The following SLC22A2 variants were observed in gnomAD, a reference collection of about 807,000 sequenced individuals.
SLC22A2 encodes the protein solute carrier family 22 member 2, also known as organic cation transporter 2.
In SLC22A2, 46 loss-of-function variants were observed where a neutral mutation model predicts 60.5. The observed-to-expected ratio is 0.76, with a 90% CI of 0.60 to 0.97. SLC22A2 has a LOEUF of 0.97. Among genes scored for constraint, SLC22A2 ranks in the 50% least tolerant of loss-of-function variants. The probability of loss-of-function intolerance (pLI) is 0.00; values close to 1 mark genes in which losing one functional copy is unlikely to be tolerated. For missense variants in SLC22A2, 701 were observed against 706.6 expected, an observed-to-expected ratio of 0.99 and a Z score of 0.09; for synonymous variants, 303 against 267.0, an observed-to-expected ratio of 1.13 and a Z score of -1.31.
chr6:160,222,542 G>T (rs374566246), intron 10 of SLC22A2, among the ~76,000 whole-genome samples: 1 of 152,208 alleles, frequency 6.6e-6, no homozygotes, highest in Non-Finnish European at 1.5e-5. Flanking sequence ...TGTATGCCAC[G>T]CACTGTGCTG....
rs369558431 is a variant in SLC22A2, at chr6:160,250,709, G to A, written c.519-7C>T. 6.1e-5 allele frequency: 98 copies of A among 1,611,632 alleles called. No individual in the cohort carries two copies. The highest frequency in any genetic ancestry group is 3.3e-4 in the Middle Eastern group (2 of 6,074). ...GCAGAGCTTACGGCCAAACCTGCAG[G>A]AAGAAAAACAAAGAGAGGGAATTGA... On this transcript the variant is annotated splice_region_variant and splice_polypyrimidine_tract_variant and intron_variant, in intron 2 of 10. Coordinates refer to ENST00000366953, the MANE Select transcript of SLC22A2 (RefSeq NM_003058.4).
At chr6:160,242,603 T>C (rs1334255013) in intron 7 of SLC22A2, among the ~76,000 whole-genome samples, 1 of 113,130 alleles carries the variant, frequency 8.8e-6, no homozygotes, top group African/African-American at 2.7e-5. Context: ...GCTAATTCTC[T>C]CTTTTTTAAA....
intron 10 of SLC22A2, 61 bp from the exon 11 acceptor site, chr6:160,217,559 A>G (rs1391697502): frequency 5.9e-6 from 5 of 840,850 alleles, no homozygotes; most frequent in South Asian, 2.9e-5. Context: ...TGAAAACCAA[A>G]ATAAAGTGGG....
At chr6:160,224,048 A>G (rs1418132480) in intron 10 of SLC22A2, among the ~76,000 whole-genome samples, 1 of 152,094 alleles carries the variant, frequency 6.6e-6, no homozygotes, top group Non-Finnish European at 1.5e-5. Flanking sequence ...TAATTTTTAT[A>G]CTACTATTGC....
chr6:160,250,683 G>A lies in SLC22A2; in HGVS notation c.538C>T (p.Leu180Phe). ...IADRFGRKLC[L>F]LTTVLINAAA... ...GCATTTATGAGGACTGTAGTTAGGA[G>A]GCAGAGCTTACGGCCAAACCTGCAG... The change falls in exon 3 of 11, where the codon CTC becomes TTC. Residue 180 changes from leucine to phenylalanine, a missense_variant. By Grantham distance (22) the Leu-to-Phe change is conservative. Coordinates refer to ENST00000366953, the MANE Select transcript of SLC22A2 (RefSeq NM_003058.4). 1.2e-6 allele frequency: 2 copies of A among 1,614,006 alleles called. No individual in the cohort carries two copies. Among genetic ancestry groups the A allele is most frequent in the Non-Finnish European group, 1.7e-6 (2 of 1,179,888 alleles).
intron 9 of SLC22A2, among the ~76,000 whole-genome samples, chr6:160,238,620 C>T (rs1213992035): frequency 2.0e-5 from 3 of 152,094 alleles, no homozygotes; most frequent in Non-Finnish European, 4.4e-5. Flanking sequence ...ACAATTAGCA[C>T]ACCATTATTG....
chr6:160,221,973 G>T (rs1354855566), intron 10 of SLC22A2, among the ~76,000 whole-genome samples: 2 of 152,174 alleles, frequency 1.3e-5, no homozygotes, highest in African/African-American at 2.4e-5. Flanking sequence ...CTTGCTTAAT[G>T]TAGGGTTGCT....
Position 160,225,252 on chromosome 6 carries a change from G to A in SLC22A2, c.1502-448C>T, listed in dbSNP as rs181699337. Among the ~76,000 whole-genome samples, 243 of 152,216 alleles carry A rather than the reference G, an allele frequency of 1.6e-3. 1 individual carries two copies. Among genetic ancestry groups the A allele is most frequent in the African/African-American group, 5.5e-3 (230 of 41,540 alleles). On this transcript the variant is annotated intron_variant, in intron 9 of 10. Transcript: ENST00000366953. ...CTATGTAAGAGCACTAAAAAGTATA[G>A]CCAGGATTTTAGTTAAAATTCAGGT...
rs146161118 is a variant in SLC22A2 at position 160,245,534 on chromosome 6, A to C, written c.969T>G (p.Leu323=). The part of the protein sequence containing the change: ...SLPASLQRLR[L]EEETGKKLNP... Reference sequence around the variant, plus strand: ...TCAATTTCTTGCCAGTTTCCTCTTCAAGTCTCAGGCGCTAAGAAAAGGAAT... The same window carrying C: ...TCAATTTCTTGCCAGTTTCCTCTTCCAGTCTCAGGCGCTAAGAAAAGGAAT... The change falls in exon 6 of 11, where the codon CTT becomes CTG. Residue 323 remains leucine (L), a synonymous_variant. Coordinates refer to ENST00000366953, the MANE Select transcript of SLC22A2 (RefSeq NM_003058.4). The C allele has an allele frequency of 1.9e-4, 306 of 1,608,828 alleles. No homozygotes were observed. The highest frequency in any genetic ancestry group is 2.6e-4 in the Non-Finnish European group (303 of 1,176,504).
At position 160,225,906 on chromosome 6, in the gene SLC22A2, CTT is replaced by C. The variant is rs567802311; in HGVS notation, c.1502-1104_1502-1103del. On this transcript the variant is annotated intron_variant, in intron 9 of 10. Transcript: ENST00000366953. ...CATTCTTGGGTATAGGCTGAACTAACTTTGGGAGAAACTTAGTTTATAGATTA... is the reference window on the plus strand; with the variant it reads ...CATTCTTGGGTATAGGCTGAACTAACTGGGAGAAACTTAGTTTATAGATTA... 4.3e-3 allele frequency among the ~76,000 whole-genome samples: 661 copies of C among 152,284 alleles called. 6 individuals are homozygous for C. Among genetic ancestry groups the C allele is most frequent in the African/African-American group, 0.015 (634 of 41,562 alleles).
At chr6:160,253,178 AG>A (rs1489377267) in intron 2 of SLC22A2, among the ~76,000 whole-genome samples, 1 of 152,256 alleles carries the variant, frequency 6.6e-6, no homozygotes, top group Non-Finnish European at 1.5e-5. Context: ...CTTGTGGAGC[AG>A]GGATATTCCA....
chr6:160,245,582 T>A, intron 5 of SLC22A2, 37 bp from the exon 6 acceptor site: 1 of 1,327,346 alleles, frequency 7.5e-7, no homozygotes, highest in Non-Finnish European at 1.1e-6. Context: ...TTTGTATATT[T>A]AATGCTAGTG....
rs754341947 is a variant in SLC22A2, at chr6:160,249,338, A to G, written c.720T>C (p.Phe240=). 6 of 1,613,714 alleles carry G rather than the reference A, an allele frequency of 3.7e-6. No individual in the cohort carries two copies. In the South Asian group the frequency reaches 6.6e-5, roughly 18 times the overall value. The change falls in exon 4 of 11, where the codon TTT becomes TTC. Residue 240 remains phenylalanine, a synonymous_variant. Transcript: ENST00000366953. ...GCCCAACTGTATAGGCAACTTGGTA[A>G]AAAATCCCCACTGTTCTCCGATATC... is the stretch of plus-strand genomic sequence containing the variant. The part of the protein sequence containing the change: ...GRRYRRTVGI[F]YQVAYTVGLL...
intron 10 of SLC22A2, among the ~76,000 whole-genome samples, chr6:160,221,715 G>A (rs888675656): frequency 3.3e-5 from 5 of 152,208 alleles, no homozygotes; most frequent in African/African-American, 1.2e-4. Flanking sequence ...GAGGGAGAGA[G>A]ATGGGGGAAT....
intron 1 of SLC22A2, among the ~76,000 whole-genome samples, 173 bp from the exon 2 acceptor site, chr6:160,256,890 C>CT (rs1213917198): frequency 0.024 from 303 of 12,848 alleles, 3 homozygotes; most frequent in African/African-American, 0.042. Context: ...TCTTCTTCTT[C>CT]TCTCTCTCTC....
At chr6:160,232,841 C>T (rs1225596217) in intron 9 of SLC22A2, among the ~76,000 whole-genome samples, 1 of 151,912 alleles carries the variant, frequency 6.6e-6, no homozygotes, top group Admixed American at 6.6e-5. Context: ...CCCACCTACT[C>T]CCCACTGAAA....
At chr6:160,244,010 A>G (rs1200460220) in intron 6 of SLC22A2, among the ~76,000 whole-genome samples, 1 of 152,222 alleles carries the variant, frequency 6.6e-6, no homozygotes, top group African/African-American at 2.4e-5. Context: ...TGGAATAGTT[A>G]GAACTAATTA....
At chr6:160,228,686 C>A (rs149173475) in intron 9 of SLC22A2, among the ~76,000 whole-genome samples, 32 of 152,270 alleles carry the variant, frequency 2.1e-4, no homozygotes, top group Non-Finnish European at 4.1e-4. Context: ...GCCATCATAT[C>A]CCCTGTGGCC....
intron 1 of SLC22A2, among the ~76,000 whole-genome samples, chr6:160,256,962 GTGA>G (rs1783285203): frequency 6.7e-6 from 1 of 150,326 alleles, no homozygotes; most frequent in Non-Finnish European, 1.5e-5. Flanking sequence ...GAGTACAGTG[GTGA>G]TCATGGCTCA....
Sources: gnomAD v4.1 joint callset for allele counts (sites outside exome capture counted in the v4.1 genomes callset) on GRCh38, gnomAD v4.1.1 for gene constraint, MANE v1.5 for transcripts, NCBI Gene and HGNC (gene_info 2026-07-23, HGNC 2026-07-21) for gene names.